The following ALMS1 variants were observed in gnomAD, a reference collection of about 807,000 sequenced individuals.
The protein encoded by ALMS1 is centrosome-associated protein ALMS1.
In ALMS1, 271 loss-of-function variants were observed where a neutral mutation model predicts 352.2. That is an observed-to-expected ratio of 0.77 (90% CI 0.70 to 0.85). ALMS1 has a LOEUF of 0.85. Among genes scored for constraint, ALMS1 ranks in the 40% least tolerant of loss-of-function variants. The pLI, the probability that ALMS1 is intolerant of heterozygous loss-of-function variation, is 0.00. For missense variants in ALMS1, 5,445 were observed against 4,870.7 expected, an observed-to-expected ratio of 1.12 and a Z score of -3.51; for synonymous variants, 1,865 against 1,761.2, an observed-to-expected ratio of 1.06 and a Z score of -1.48.
Position 73,559,021 on chromosome 2 carries a change from A to G in ALMS1, c.10263A>G (p.Pro3421=), listed in dbSNP as rs1446989496. ...AAEHSAQVGD[P]EMKNLPDTKA... ...AGCACTCAGCTCAAGTAGGAGACCC[A>G]GAAATGAAGAACTTGCCAGACACTA... Residue 3421 remains proline, a synonymous_variant, in exon 15 of 23, where the codon CCA becomes CCG. Coordinates refer to ENST00000613296, the MANE Select transcript of ALMS1 (RefSeq NM_001378454.1). 2 of 1,613,978 alleles carry G rather than the reference A, an allele frequency of 1.2e-6. No homozygotes were observed. The highest frequency in any genetic ancestry group is 3.3e-5 in the Admixed American group (2 of 60,006).
At chr2:73,591,528 G>A (rs938258581) in intron 16 of ALMS1, among the ~76,000 whole-genome samples, 14 of 152,120 alleles carry the variant, frequency 9.2e-5, no homozygotes, top group African/African-American at 3.4e-4. Flanking sequence ...ATAACATATG[G>A]ACACCTTATA....
At chr2:73,571,749 A>G (rs1174711038) in intron 15 of ALMS1, among the ~76,000 whole-genome samples, 1 of 152,172 alleles carries the variant, frequency 6.6e-6, no homozygotes, top group Non-Finnish European at 1.5e-5. Context: ...AAAAGTCAAG[A>G]TGGTCCACAG....
intron 10 of ALMS1, among the ~76,000 whole-genome samples, chr2:73,498,511 T>TTGTG (rs111770942): frequency 8.1e-4 from 121 of 150,300 alleles, no homozygotes; most frequent in Middle Eastern, 6.8e-3. Context: ...TCTTTCTATT[T>TTGTG]TGTGTGTGTG....
chr2:73,602,170 T>C lies in ALMS1; in HGVS notation c.12115-15T>C, dbSNP rs1163156271. On this transcript the variant is annotated splice_polypyrimidine_tract_variant and intron_variant, in intron 19 of 22. Transcript: ENST00000613296. Reference sequence around the variant, plus strand: ...AATCTGAGGCTGGGCATTTTCTCTTTTTTTTTTCTTTTAGGAATCGCTTCA... The same window carrying C: ...AATCTGAGGCTGGGCATTTTCTCTTCTTTTTTTCTTTTAGGAATCGCTTCA... 1.2e-6 allele frequency: 2 copies of C among 1,611,212 alleles called. No individual in the cohort carries two copies. Among genetic ancestry groups the C allele is most frequent in the East Asian group, 2.2e-5 (1 of 44,826 alleles).
chr2:73,518,293 A>G (rs116221863), intron 10 of ALMS1, among the ~76,000 whole-genome samples: 1 of 152,058 alleles, frequency 6.6e-6, no homozygotes, highest in Non-Finnish European at 1.5e-5. Context: ...AAAAGACATG[A>G]TCTTGTTCTT....
Position 73,449,397 on chromosome 2 carries a change from A to T in ALMS1, c.2870A>T (p.His957Leu). ...TPTVSSNSHS[H>L]SEKSSVFYQQ... ...ACAGTGTCCTCTAATTCTCACTCAC[A>T]TAGCGAGAAATCTAGTGTTTTCTAC... The change falls in exon 8 of 23, where the codon CAT becomes CTT. Residue 957 changes from histidine to leucine, a missense_variant. His to Leu is a moderately conservative substitution (Grantham distance 99, BLOSUM62 -3). Coordinates refer to ENST00000613296, the MANE Select transcript of ALMS1 (RefSeq NM_001378454.1). 1 of 1,614,070 alleles carries T rather than the reference A, an allele frequency of 6.2e-7. No individual in the cohort carries two copies. The highest frequency in any genetic ancestry group is 8.5e-7 in the Non-Finnish European group (1 of 1,179,946).
In ALMS1 at chr2:73,490,976, A is replaced by T. The variant is rs1298901693; in HGVS notation, c.9017A>T (p.His3006Leu). ...AATAATCAACATAAGCCTAAATCACACATTTCTAATATAAATGTTGAAGCC... is the reference window on the plus strand; with the variant it reads ...AATAATCAACATAAGCCTAAATCACTCATTTCTAATATAAATGTTGAAGCC... ...EKNNQHKPKS[H>L]ISNINVEAKF... is the part of the protein sequence containing the mutation. Residue 3006 changes from histidine to leucine, a missense_variant, in exon 10 of 23, where the codon CAC becomes CTC. Coordinates refer to ENST00000613296, the MANE Select transcript of ALMS1 (RefSeq NM_001378454.1). 2 of 1,614,110 alleles carry T rather than the reference A, an allele frequency of 1.2e-6. No homozygotes were observed. The highest frequency in any genetic ancestry group is 1.3e-5 in the African/African-American group (1 of 74,948).
At chr2:73,399,936 G>GTTTTT (rs1382540969) in intron 1 of ALMS1, among the ~76,000 whole-genome samples, 14 of 119,104 alleles carry the variant, frequency 1.2e-4, no homozygotes, top group South Asian at 2.7e-4. Flanking sequence ...TATATTAATT[G>GTTTTT]TTTTTTTTTT....
chr2:73,492,243 G>A (rs540807814), intron 10 of ALMS1, among the ~76,000 whole-genome samples: 1 of 152,032 alleles, frequency 6.6e-6, no homozygotes, highest in Admixed American at 6.5e-5. Flanking sequence ...AGTTGAAGAG[G>A]CATCGTACCA....
At position 73,600,716 on chromosome 2, in the gene ALMS1, C is replaced by G. The variant is rs1290800821; in HGVS notation, c.11707C>G (p.Arg3903Gly). ...TGTGAACGGTGCCAAAAAACACACT[C>G]GAGATGTTGGGATAACTTTCCCAAC... The part of the protein sequence containing the change: ...EIVNGAKKHT[R>G]DVGITFPTPS... Residue 3903 changes from arginine to glycine, a missense_variant, in exon 18 of 23, where the codon CGA (arginine) becomes GGA (glycine). Physicochemically the swap from Arg to Gly is moderately radical, Grantham distance 125 (BLOSUM62 -2). Transcript: ENST00000613296. 2 of 1,614,074 alleles carry G rather than the reference C, an allele frequency of 1.2e-6. No individual in the cohort carries two copies. The highest frequency in any genetic ancestry group is 1.1e-5 in the South Asian group (1 of 91,066).
rs1242132204 is a variant in ALMS1, at chr2:73,573,441, T to C, written c.11547+17T>C. The C allele has an allele frequency of 6.2e-7, 1 of 1,613,284 alleles. No homozygotes were observed. The highest frequency in any genetic ancestry group is 8.5e-7 in the Non-Finnish European group (1 of 1,179,590). Reference sequence around the variant, plus strand: ...CACATCCAGGTACATGGCTACAGATTCCATCTGGCAATGTGACTGCCCTCT... The same window carrying C: ...CACATCCAGGTACATGGCTACAGATCCCATCTGGCAATGTGACTGCCCTCT... On this transcript the variant is annotated intron_variant, in intron 16 of 22. Coordinates refer to ENST00000613296, the MANE Select transcript of ALMS1 (RefSeq NM_001378454.1).
Position 73,572,828 on chromosome 2 carries a change from CATG to C in ALMS1, c.10957_10959del (p.Asp3653del). 6.2e-7 allele frequency: 1 copy of C among 1,613,998 alleles called. No individual in the cohort carries two copies. The highest frequency in any genetic ancestry group is 1.1e-5 in the South Asian group (1 of 91,074). On this transcript the variant is annotated inframe_deletion, in exon 16 of 23. Coordinates refer to ENST00000613296, the MANE Select transcript of ALMS1 (RefSeq NM_001378454.1). The stretch of plus-strand genomic sequence containing the variant: ...TTCTCTCCAGGTCTCAGAAAGTACA[CATG>C]ATGATAGCAGAGGGGAACGAAGTGT...
chr2:73,596,927 A>G (rs1300598277), intron 16 of ALMS1, among the ~76,000 whole-genome samples: 2 of 94,590 alleles, frequency 2.1e-5, no homozygotes, highest in Non-Finnish European at 4.0e-5. Context: ...TGCCATTTCT[A>G]TATAAAGTTG....
At chr2:73,471,257 G>T (rs1487883994) in intron 9 of ALMS1, among the ~76,000 whole-genome samples, 5 of 147,044 alleles carry the variant, frequency 3.4e-5, no homozygotes, top group Non-Finnish European at 4.5e-5. Flanking sequence ...TCTTCTATAG[G>T]TATTTTCTTT....
chr2:73,566,432 A>T (rs938710039), intron 15 of ALMS1, among the ~76,000 whole-genome samples: 11 of 152,210 alleles, frequency 7.2e-5, no homozygotes, highest in Non-Finnish European at 1.0e-4. Context: ...GACATGCTGG[A>T]TAAAGGGAGG....
In ALMS1 at chr2:73,450,424, G is replaced by T. The variant is rs745335322; in HGVS notation, c.3897G>T (p.Gln1299His). The T allele has an allele frequency of 6.2e-7, 1 of 1,613,628 alleles. No homozygotes were observed. Among genetic ancestry groups the T allele is most frequent in the Non-Finnish European group, 8.5e-7 (1 of 1,179,912 alleles). ...AGAAGCCCAGCATTTTCTACCAACA[G>T]TCGTTGCCAAGTAGTCATCTAACTG... Reference protein sequence around the residue: ...YREKPSIFYQQSLPSSHLTEE... With the variant: ...YREKPSIFYQHSLPSSHLTEE... Residue 1299 changes from glutamine to histidine, a missense_variant, in exon 8 of 23, where the codon CAG becomes CAT. Physicochemically the swap from Gln to His is conservative, Grantham distance 24. Coordinates refer to ENST00000613296, the MANE Select transcript of ALMS1 (RefSeq NM_001378454.1).
intron 15 of ALMS1, 38 bp downstream of exon 15, chr2:73,559,180 T>C (rs1205109896): frequency 6.3e-7 from 1 of 1,597,972 alleles, no homozygotes; most frequent in South Asian, 1.1e-5. Flanking sequence ...TGTGTGTCTT[T>C]GTGTGTATGT....
At chr2:73,577,846 A>G (rs1285930138) in intron 16 of ALMS1, among the ~76,000 whole-genome samples, 8 of 152,174 alleles carry the variant, frequency 5.3e-5, no homozygotes, top group South Asian at 2.1e-4. Flanking sequence ...TTTAAGACGA[A>G]TGTGTATTCT....
At chr2:73,575,452 T>A (rs1039586821) in intron 16 of ALMS1, among the ~76,000 whole-genome samples, 1 of 152,306 alleles carries the variant, frequency 6.6e-6, no homozygotes, top group Admixed American at 6.5e-5. Context: ...TTCACAAGGG[T>A]TTCAATTTTA....
Sources: allele counts gnomAD v4.1 joint callset (sites outside exome capture counted in the v4.1 genomes callset), GRCh38; gene constraint gnomAD v4.1.1; transcripts MANE v1.5; gene names NCBI Gene and HGNC (gene_info 2026-07-23, HGNC 2026-07-21).